Variants in SRBD1 observed in about 807,000 individuals in gnomAD.
SRBD1 encodes the protein S1 RNA-binding domain-containing protein 1.
A neutral mutation model predicts 115.3 loss-of-function variants in SRBD1; 88 were observed. That is an observed-to-expected ratio of 0.76 (90% CI 0.64 to 0.91). The LOEUF is 0.91. SRBD1 is among the 40% of genes least tolerant of loss of function. The probability of loss-of-function intolerance (pLI) is 0.00; values close to 1 mark genes in which losing one functional copy is unlikely to be tolerated. For missense variants in SRBD1, 1,385 were observed against 1,177.4 expected (o/e 1.18, Z -2.58); for synonymous variants, 509 against 407.7 (o/e 1.25, Z -2.99).
intron 16 of SRBD1, among the ~76,000 whole-genome samples, chr2:45,467,436 C>T (rs1017489321): frequency 6.6e-6 from 1 of 152,162 alleles, no homozygotes; most frequent in Non-Finnish European, 1.5e-5. Flanking sequence ...AATGACAGTA[C>T]CATTACTGTA....
intron 14 of SRBD1, among the ~76,000 whole-genome samples, chr2:45,543,137 T>A (rs1175550834): frequency 6.6e-6 from 1 of 152,238 alleles, no homozygotes. Context: ...CATTTTTTCA[T>A]GAACATTTCA....
intron 7 of SRBD1, among the ~76,000 whole-genome samples, chr2:45,576,059 G>C (rs950345377): frequency 1.3e-5 from 2 of 152,006 alleles, no homozygotes; most frequent in Admixed American, 1.3e-4. Flanking sequence ...CCTGCCTCTC[G>C]TCACCCCTTC....
At chr2:45,570,180 GAA>G (rs1672963895) in intron 9 of SRBD1, among the ~76,000 whole-genome samples, 1 of 152,160 alleles carries the variant, frequency 6.6e-6, no homozygotes, top group Non-Finnish European at 1.5e-5. Context: ...GACCTTTACA[GAA>G]AAAGTTTACC....
chr2:45,585,252 A>G (rs1465469405), intron 5 of SRBD1, among the ~76,000 whole-genome samples: 6 of 152,240 alleles, frequency 3.9e-5, no homozygotes, highest in Non-Finnish European at 8.8e-5. Context: ...TTAAAAGGAC[A>G]GATTTATGTG....
intron 14 of SRBD1, among the ~76,000 whole-genome samples, chr2:45,545,947 C>A (rs1253174480): frequency 1.3e-5 from 2 of 152,346 alleles, no homozygotes; most frequent in East Asian, 3.9e-4. Context: ...CAGTCACCTG[C>A]TCATCAGTCA....
intron 19 of SRBD1, among the ~76,000 whole-genome samples, chr2:45,412,212 T>G (rs2103855682): frequency 6.6e-6 from 1 of 152,294 alleles, no homozygotes; most frequent in Admixed American, 6.5e-5. Context: ...CATCTAGGTG[T>G]GGCTATATAG....
At chr2:45,587,697 C>T (rs1372665405) in intron 4 of SRBD1, among the ~76,000 whole-genome samples, 1 of 152,130 alleles carries the variant, frequency 6.6e-6, no homozygotes, top group Non-Finnish European at 1.5e-5. Flanking sequence ...ACATTAAATC[C>T]TGAGGTCTAC....
At chr2:45,395,128 CTT>C (rs1667107392) in intron 19 of SRBD1, among the ~76,000 whole-genome samples, 2 of 152,226 alleles carry the variant, frequency 1.3e-5, no homozygotes, top group Non-Finnish European at 2.9e-5. Context: ...GCTGAGCAGG[CTT>C]CCCTGGTATT....
At chr2:45,603,817 ACC>A (rs1674177124) in intron 2 of SRBD1, among the ~76,000 whole-genome samples, 1 of 152,130 alleles carries the variant, frequency 6.6e-6, no homozygotes, top group East Asian at 1.9e-4. Flanking sequence ...GGTGTGAGCC[ACC>A]ACACCCAGCT....
At chr2:45,502,582 C>T (rs956452974) in intron 14 of SRBD1, among the ~76,000 whole-genome samples, 1 of 149,630 alleles carries the variant, frequency 6.7e-6, no homozygotes, top group Non-Finnish European at 1.5e-5. Context: ...ATCGCAGGGA[C>T]AGAAAACCAT....
At chr2:45,518,343 C>A (rs1671182385) in intron 14 of SRBD1, among the ~76,000 whole-genome samples, 1 of 152,108 alleles carries the variant, frequency 6.6e-6, no homozygotes, top group Admixed American at 6.5e-5. Context: ...AGTAATTATC[C>A]ACTATACCTA....
intron 17 of SRBD1, 83 bp downstream of exon 17, chr2:45,419,705 T>A: frequency 1.7e-6 from 2 of 1,185,896 alleles, no homozygotes; most frequent in East Asian, 2.4e-5. Flanking sequence ...TTTATACACG[T>A]GTTCCCTTCT....
intron 4 of SRBD1, among the ~76,000 whole-genome samples, chr2:45,597,211 A>C (rs1453904134): frequency 1.3e-5 from 2 of 152,020 alleles, no homozygotes; most frequent in Non-Finnish European, 2.9e-5. Context: ...ACCAGGTCAG[A>C]AGACGGAGAC....
At chr2:45,531,542 A>G (rs1374110245) in intron 14 of SRBD1, among the ~76,000 whole-genome samples, 4 of 148,776 alleles carry the variant, frequency 2.7e-5, no homozygotes, top group African/African-American at 1.0e-4. Flanking sequence ...AAAGTTCTAC[A>G]GTAAAGACGA....
intron 18 of SRBD1, among the ~76,000 whole-genome samples, chr2:45,415,943 G>C (rs1572615383): frequency 6.6e-6 from 1 of 152,066 alleles, no homozygotes; most frequent in East Asian, 1.9e-4. Context: ...AACTCCAGAG[G>C]TCAGTCCAAA....
At chr2:45,394,085 G>C (rs1167174331) in intron 19 of SRBD1, among the ~76,000 whole-genome samples, 2 of 152,112 alleles carry the variant, frequency 1.3e-5, no homozygotes, top group Non-Finnish European at 2.9e-5. Context: ...TTCCAAAATG[G>C]AAGCAGGTAA....
chr2:45,506,475 G>C (rs1376128496), intron 14 of SRBD1, among the ~76,000 whole-genome samples: 1 of 152,148 alleles, frequency 6.6e-6, no homozygotes, highest in African/African-American at 2.4e-5. Context: ...TTCTCTCACA[G>C]AGAAGCTGGA....
intron 16 of SRBD1, among the ~76,000 whole-genome samples, chr2:45,432,727 G>A (rs1440601819): frequency 6.6e-6 from 1 of 152,128 alleles, no homozygotes; most frequent in Non-Finnish European, 1.5e-5. Flanking sequence ...AATTTTTGGG[G>A]CAAGTTACTT....
chr2:45,601,783 G>C, intron 3 of SRBD1, 120 bp downstream of exon 3: 7 of 1,276,248 alleles, frequency 5.5e-6, no homozygotes, highest in Non-Finnish European at 7.6e-6. Flanking sequence ...CAGGGTAGGG[G>C]ATGCCATTGC....
Sources: allele counts gnomAD v4.1 joint callset (sites outside exome capture counted in the v4.1 genomes callset), GRCh38; gene constraint gnomAD v4.1.1; transcripts MANE v1.5; gene names NCBI Gene and HGNC (gene_info 2026-07-23, HGNC 2026-07-21).